Variants in FSTL4 observed in about 807,000 individuals in gnomAD.
FSTL4 encodes the protein follistatin-related protein 4.
FSTL4 carries 28 observed loss-of-function variants against 78.2 expected under a neutral mutation model. The ratio of observed to expected loss-of-function variants is 0.36; its 90% CI spans 0.27 to 0.49. The LOEUF (loss-of-function observed/expected upper bound fraction) is 0.49, where lower values mean the gene tolerates loss of function less well. Ranked by LOEUF, FSTL4 falls within the 20% of genes least tolerant of loss-of-function variation. The probability of loss-of-function intolerance (pLI) is 0.98; values close to 1 mark genes in which losing one functional copy is unlikely to be tolerated. For missense variants in FSTL4, 922 were observed against 1,084.9 expected (o/e 0.85, Z 2.11); for synonymous variants, 422 against 440.5 (o/e 0.96, Z 0.53).
chr5:133,292,375 C>T (rs1271269905), intron 6 of FSTL4, among the ~76,000 whole-genome samples: 1 of 152,070 alleles, frequency 6.6e-6, no homozygotes, highest in Non-Finnish European at 1.5e-5. Context: ...TCCTCCAGGC[C>T]CCAGTCCTCC....
intron 4 of FSTL4, among the ~76,000 whole-genome samples, chr5:133,399,393 G>A (rs186967826): frequency 2.0e-4 from 30 of 152,302 alleles, no homozygotes; most frequent in Non-Finnish European, 7.4e-5. Flanking sequence ...GCACAGCTGT[G>A]AAAGTGTCCA....
chr5:133,632,661 G>T, the FSTL4 span, among the ~76,000 whole-genome samples: 164 of 151,394 alleles, frequency 1.1e-3, no homozygotes, highest in African/African-American at 3.9e-3. Flanking sequence ...GGCCTCCATA[G>T]TTTTGTGTTT....
At chr5:133,520,358 A>G (rs1287543144) in intron 3 of FSTL4, among the ~76,000 whole-genome samples, 1 of 147,510 alleles carries the variant, frequency 6.8e-6, no homozygotes, top group Non-Finnish European at 1.5e-5. Flanking sequence ...AACCATCCAG[A>G]GCACACCACG....
chr5:133,346,828 C>A (rs1754705876), intron 4 of FSTL4, among the ~76,000 whole-genome samples: 1 of 152,126 alleles, frequency 6.6e-6, no homozygotes, highest in South Asian at 2.1e-4. Context: ...ATTTCTTTGA[C>A]TTTTAATCTA....
chr5:133,560,382 A>G (rs1017081262), intron 3 of FSTL4, among the ~76,000 whole-genome samples: 1 of 152,104 alleles, frequency 6.6e-6, no homozygotes, highest in Non-Finnish European at 1.5e-5. Flanking sequence ...AGAGAAGTTT[A>G]TGTTTGTCTT....
At chr5:133,600,806 A>C (rs917408695) in intron 2 of FSTL4, among the ~76,000 whole-genome samples, 12 of 152,220 alleles carry the variant, frequency 7.9e-5, no homozygotes, top group African/African-American at 2.9e-4. Context: ...TAAGTCAATG[A>C]GTATTTGTGT....
At chr5:133,372,862 G>A (rs1463322125) in intron 4 of FSTL4, among the ~76,000 whole-genome samples, 3 of 152,174 alleles carry the variant, frequency 2.0e-5, no homozygotes. Flanking sequence ...CAGAGGGAGG[G>A]TGACTCCTTG....
intron 6 of FSTL4, among the ~76,000 whole-genome samples, chr5:133,297,323 C>T (rs1167094693): frequency 6.6e-6 from 1 of 152,048 alleles, no homozygotes; most frequent in East Asian, 1.9e-4. Flanking sequence ...ATGTGTGAGC[C>T]CCAGGGTTCC....
At chr5:133,768,660 G>T in the FSTL4 span, among the ~76,000 whole-genome samples, 20 of 152,174 alleles carry the variant, frequency 1.3e-4, no homozygotes, top group Admixed American at 1.2e-3. Flanking sequence ...GTTTGCTTTT[G>T]TGCCTGACCT....
At chr5:133,817,050 C>T in the FSTL4 span, among the ~76,000 whole-genome samples, 1 of 152,250 alleles carries the variant, frequency 6.6e-6, no homozygotes, top group African/African-American at 2.4e-5. Flanking sequence ...GTGGCATCCC[C>T]AACACTCCTG....
At chr5:133,483,326 T>C (rs1362400544) in intron 3 of FSTL4, among the ~76,000 whole-genome samples, 2 of 152,190 alleles carry the variant, frequency 1.3e-5, no homozygotes, top group Admixed American at 6.5e-5. Context: ...AATACAGAGA[T>C]AGCACAAATG....
intron 4 of FSTL4, among the ~76,000 whole-genome samples, chr5:133,335,871 G>T (rs1463942979): frequency 3.3e-5 from 5 of 152,216 alleles, no homozygotes; most frequent in Admixed American, 1.3e-4. Flanking sequence ...ACACCCATGA[G>T]GGGTGCTTCT....
intron 3 of FSTL4, among the ~76,000 whole-genome samples, chr5:133,407,138 G>A (rs1756382573): frequency 6.6e-6 from 1 of 152,198 alleles, no homozygotes; most frequent in South Asian, 2.1e-4. Flanking sequence ...TAGCTTAGAG[G>A]CCTAAGTAGC....
chr5:133,835,008 ACT>A, the FSTL4 span, among the ~76,000 whole-genome samples: 10 of 152,242 alleles, frequency 6.6e-5, no homozygotes, highest in South Asian at 2.1e-3. Context: ...AGGAAGCAAA[ACT>A]CTTTAAAAAT....
In FSTL4 at chr5:133,400,761, T is replaced by C. The variant is rs1756201461; in HGVS notation, c.386A>G (p.His129Arg). Residue 129 changes from histidine (H) to arginine (R), a missense_variant, in exon 4 of 16, where the codon CAC becomes CGC. Coordinates refer to ENST00000265342, the MANE Select transcript of FSTL4 (RefSeq NM_015082.2). Reference protein sequence around the residue: ...CLLGKRITVIHSKDCFLKGDT... With the variant: ...CLLGKRITVIRSKDCFLKGDT... Reference sequence around the variant, plus strand: ...ACCTTTGAGGAAACAGTCCTTGCTGTGGATGACGGTGATCCTCTTTCCCAG... The same window carrying C: ...ACCTTTGAGGAAACAGTCCTTGCTGCGGATGACGGTGATCCTCTTTCCCAG... 6.2e-7 allele frequency: 1 copy of C among 1,613,964 alleles called. No homozygotes were observed. The highest frequency in any genetic ancestry group is 8.5e-7 in the Non-Finnish European group (1 of 1,180,012).
At chr5:133,574,569 T>C (rs540433856) in intron 2 of FSTL4, among the ~76,000 whole-genome samples, 31 of 152,246 alleles carry the variant, frequency 2.0e-4, no homozygotes, top group Non-Finnish European at 3.5e-4. Flanking sequence ...GACATCTATG[T>C]TCCTGACCCA....
Position 133,316,570 on chromosome 5 carries a change from T to G in FSTL4, c.492A>C (p.Glu164Asp), listed in dbSNP as rs1235727304. Residue 164 changes from glutamate (E) to aspartate (D), a missense_variant, in exon 5 of 16, where the codon GAA (glutamate) becomes GAC (aspartate). Coordinates refer to ENST00000265342, the MANE Select transcript of FSTL4 (RefSeq NM_015082.2). Reference sequence around the variant, plus strand: ...AGGCAGGGTCTTGTCTGCTGTCTCCTTCTTGGAGTGGCTGCAGACGGGTCT... The same window carrying G: ...AGGCAGGGTCTTGTCTGCTGTCTCCGTCTTGGAGTGGCTGCAGACGGGTCT... ...ALQTRLQPLQ[E>D]GDSRQDPASQ... 6.2e-7 allele frequency: 1 copy of G among 1,613,930 alleles called. No homozygotes were observed. Among genetic ancestry groups the G allele is most frequent in the South Asian group, 1.1e-5 (1 of 91,068 alleles).
chr5:133,555,908 A>G (rs1335011437), intron 3 of FSTL4, among the ~76,000 whole-genome samples: 1 of 152,224 alleles, frequency 6.6e-6, no homozygotes, highest in Admixed American at 6.5e-5. Flanking sequence ...TAAAATTAGT[A>G]AAGCGAATAG....
chr5:133,199,529 G>A lies in FSTL4; in HGVS notation c.2095C>T (p.Arg699Cys), dbSNP rs374862530. 7 of 1,614,048 alleles carry A rather than the reference G, an allele frequency of 4.3e-6. No individual in the cohort carries two copies. Among genetic ancestry groups the A allele is most frequent in the Non-Finnish European group, 5.9e-6 (7 of 1,179,908 alleles). ...TGTPHTSPDG[R>C]FIVSAAADSP... ...TCAGCTGCAGCACTGACTATGAAGCGCCCGTCGGGGGATGTGTGTGGGGTG... is the reference window on the plus strand; with the variant it reads ...TCAGCTGCAGCACTGACTATGAAGCACCCGTCGGGGGATGTGTGTGGGGTG... The change falls in exon 16 of 16, where the codon CGC (arginine) becomes TGC (cysteine). Residue 699 changes from arginine (R) to cysteine (C), a missense_variant. Arg to Cys is a radical substitution (Grantham distance 180). Transcript: ENST00000265342. The surrounding 1 kb of genome is among the most constrained non-coding windows in gnomAD (Gnocchi z 4.4).
Sources: allele counts gnomAD v4.1 joint callset (sites outside exome capture counted in the v4.1 genomes callset), GRCh38; gene constraint gnomAD v4.1.1; non-coding constraint Gnocchi (gnomAD v3.1); transcripts MANE v1.5; gene names NCBI Gene and HGNC (gene_info 2026-07-23, HGNC 2026-07-21).